The following RFX3 variants were observed in gnomAD, a reference collection of about 807,000 sequenced individuals.
The protein encoded by RFX3 is regulatory factor X3.
In RFX3, 14 loss-of-function variants were observed where a neutral mutation model predicts 98.6. The ratio of observed to expected loss-of-function variants is 0.14; its 90% CI spans 0.09 to 0.22. RFX3 has a LOEUF of 0.22. RFX3 is among the 10% of genes least tolerant of loss of function. RFX3 has a pLI of 1.00. For missense variants in RFX3, 639 were observed against 926.9 expected, an observed-to-expected ratio of 0.69 and a Z score of 4.03; for synonymous variants, 383 against 328.4, an observed-to-expected ratio of 1.17 and a Z score of -1.80.
At chr9:3,308,094 T>C (rs1290020409) in intron 4 of RFX3, among the ~76,000 whole-genome samples, 2 of 152,184 alleles carry the variant, frequency 1.3e-5, no homozygotes, top group Admixed American at 6.6e-5. Flanking sequence ...ATCAATTCTC[T>C]GAACTAAGAT....
rs149572533 is a variant in RFX3 at position 3,321,873 on chromosome 9, A to G, written c.474+8386T>C. Among the ~76,000 whole-genome samples, 374 of 152,224 alleles carry G rather than the reference A, an allele frequency of 2.5e-3. 8 individuals carry two copies. The highest frequency in any genetic ancestry group is 0.022 in the Admixed American group (338 of 15,288). On this transcript the variant is annotated intron_variant, in intron 4 of 16. Transcript: ENST00000617270. ...ATATATAAATATTCAGTTGTTCCAA[A>G]TATCATTTACTGATAATCCATGACT...
At position 3,395,569 on chromosome 9, in the gene RFX3, C is replaced by G. The variant is rs769425702; in HGVS notation, c.20G>C (p.Gly7Ala). 2.5e-6 allele frequency: 4 copies of G among 1,613,900 alleles called. No homozygotes were observed. Among genetic ancestry groups the G allele is most frequent in the Non-Finnish European group, 1.7e-6 (2 of 1,179,966 alleles). Residue 7 changes from glycine to alanine, a missense_variant, in exon 2 of 17, where the codon GGG (glycine) becomes GCG (alanine). By Grantham distance (60) the Gly-to-Ala change is moderately conservative. This residue lies in a region of RFX3 where 210 missense variants were observed against 197.7 expected (regional missense o/e 1.06). Coordinates refer to ENST00000617270, the MANE Select transcript of RFX3 (RefSeq NM_001282116.2). ...GGTCACTGTCGAGCCTGTGTCCGAC[C>G]CAGTCTCTGATGTCTGCATGATGGT... MQTSET[G>A]SDTGSTVTLQ...
chr9:3,383,931 G>T (rs531324009), intron 2 of RFX3, among the ~76,000 whole-genome samples: 24 of 152,186 alleles, frequency 1.6e-4, no homozygotes, highest in South Asian at 8.3e-4. Context: ...TTAAAAAAAG[G>T]TACAATAATT....
At position 3,222,819 on chromosome 9, in the gene RFX3, T is replaced by C. The variant is rs1455260830; in HGVS notation, c.*2223A>G. ...GGGGGACAGTAATTTAAATGACATT[T>C]AGATGAAGGTGATGCTACTATGCTA... On this transcript the variant is annotated 3_prime_UTR_variant, in exon 17 of 17. Transcript: ENST00000617270. 6.6e-6 allele frequency: 1 copy of C among 152,186 alleles called. No individual in the cohort carries two copies. The allele number at this position is 152,186 out of a possible 1,614,324, so 9.4% of individuals were successfully genotyped here.
intron 2 of RFX3, among the ~76,000 whole-genome samples, chr9:3,392,817 C>T (rs1017288944): frequency 6.6e-6 from 1 of 151,866 alleles, no homozygotes; most frequent in African/African-American, 2.4e-5. Flanking sequence ...AGAAGAAACA[C>T]AGTCATTAAA....
At chr9:3,479,820 A>G (rs1204347643) in intron 1 of RFX3, among the ~76,000 whole-genome samples, 2 of 152,224 alleles carry the variant, frequency 1.3e-5, no homozygotes, top group Non-Finnish European at 2.9e-5. Context: ...TACTTGACTT[A>G]GGAGGCAACC....
chr9:3,288,348 T>A (rs1826911710), intron 6 of RFX3, 98 bp from the exon 7 acceptor site: 1 of 999,984 alleles, frequency 1.0e-6, no homozygotes, highest in South Asian at 1.4e-5. Flanking sequence ...AAAAATTTGG[T>A]AAAAACAGTA....
At chr9:3,351,594 A>G (rs2131249972) in intron 2 of RFX3, among the ~76,000 whole-genome samples, 1 of 152,128 alleles carries the variant, frequency 6.6e-6, no homozygotes, top group African/African-American at 2.4e-5. Context: ...ATAGTATCCC[A>G]CATATATAAA....
At chr9:3,456,782 C>G (rs1474326866) in intron 1 of RFX3, among the ~76,000 whole-genome samples, 1 of 152,072 alleles carries the variant, frequency 6.6e-6, no homozygotes, top group African/African-American at 2.4e-5. Flanking sequence ...ATGAGACACT[C>G]CTAGGAAGCC....
intron 2 of RFX3, among the ~76,000 whole-genome samples, chr9:3,389,772 T>G (rs894746064): frequency 6.6e-6 from 1 of 152,036 alleles, no homozygotes; most frequent in Non-Finnish European, 1.5e-5. Flanking sequence ...TAATGCTGGG[T>G]CCCACCCCCA....
chr9:3,457,140 A>C (rs896550550), intron 1 of RFX3, among the ~76,000 whole-genome samples: 1 of 80,756 alleles, frequency 1.2e-5, no homozygotes, highest in African/African-American at 5.1e-5. Flanking sequence ...ACTCCATCTC[A>C]AAAAAAAAAA....
intron 1 of RFX3, among the ~76,000 whole-genome samples, chr9:3,476,231 G>C (rs1587805055): frequency 6.6e-6 from 1 of 151,208 alleles, no homozygotes; most frequent in Admixed American, 6.6e-5. Flanking sequence ...TGTCTATGTA[G>C]ATCTAGTATA....
chr9:3,350,652 T>C (rs1051067330), intron 2 of RFX3, among the ~76,000 whole-genome samples: 1 of 152,124 alleles, frequency 6.6e-6, no homozygotes, highest in Non-Finnish European at 1.5e-5. Flanking sequence ...TAGAACTTGG[T>C]AACAACCAAG....
chr9:3,274,607 A>C (rs1392745197), intron 9 of RFX3, among the ~76,000 whole-genome samples: 1 of 152,112 alleles, frequency 6.6e-6, no homozygotes, highest in African/African-American at 2.4e-5. Flanking sequence ...TTAACCACAA[A>C]AGTGAAACAA....
chr9:3,394,730 T>C (rs1252114152), intron 2 of RFX3: 1 of 688,154 alleles, frequency 1.5e-6, no homozygotes. Flanking sequence ...TAGGCAAATC[T>C]TGAATCTCAA....
chr9:3,344,264 G>A (rs73381888), intron 3 of RFX3, among the ~76,000 whole-genome samples: 3 of 152,258 alleles, frequency 2.0e-5, no homozygotes, highest in African/African-American at 7.2e-5. Context: ...TGAGGTTACA[G>A]TTTGAGTATC....
At chr9:3,475,905 C>T (rs1007900358) in intron 1 of RFX3, among the ~76,000 whole-genome samples, 1 of 152,158 alleles carries the variant, frequency 6.6e-6, no homozygotes, top group Admixed American at 6.6e-5. Context: ...TCCCTTCGCA[C>T]TGACGCTACC....
intron 14 of RFX3, among the ~76,000 whole-genome samples, chr9:3,248,495 A>G (rs1820970394): frequency 6.6e-6 from 1 of 152,192 alleles, no homozygotes; most frequent in Non-Finnish European, 1.5e-5. Context: ...TGAACACAAA[A>G]ATGTCTGAAA....
intron 2 of RFX3, among the ~76,000 whole-genome samples, chr9:3,370,206 A>C (rs1837684450): frequency 6.6e-6 from 1 of 151,356 alleles, no homozygotes; most frequent in Non-Finnish European, 1.5e-5. Flanking sequence ...AAAAAAATTA[A>C]ATGATCCCTA....
Sources: gnomAD v4.1 joint callset for allele counts (sites outside exome capture counted in the v4.1 genomes callset) on GRCh38, gnomAD v4.1.1 for gene constraint, gnomAD v4.1.1 regional missense constraint, MANE v1.5 for transcripts, NCBI Gene and HGNC (gene_info 2026-07-23, HGNC 2026-07-21) for gene names.